Variants in LDLRAD4 observed in about 807,000 individuals in gnomAD.
LDLRAD4 encodes low density lipoprotein receptor class A domain containing 4.
Under a neutral mutation model 17.0 loss-of-function variants are expected in LDLRAD4, and 5 were observed. The observed-to-expected ratio is 0.29, with a 90% CI of 0.15 to 0.62. The LOEUF (loss-of-function observed/expected upper bound fraction) is 0.62. LDLRAD4 is among the 20% of genes least tolerant of loss of function. The probability of loss-of-function intolerance (pLI) is 0.84; values close to 1 mark genes in which losing one functional copy is unlikely to be tolerated. For missense variants in LDLRAD4, 340 were observed against 424.7 expected, an observed-to-expected ratio of 0.80 and a Z score of 1.75; for synonymous variants, 168 against 171.8, an observed-to-expected ratio of 0.98 and a Z score of 0.17.
intron 3 of LDLRAD4, among the ~76,000 whole-genome samples, chr18:13,517,797 G>A (rs2093891025): frequency 6.6e-6 from 1 of 152,226 alleles, no homozygotes; most frequent in Non-Finnish European, 1.5e-5. Flanking sequence ...GGAGTGCAGT[G>A]GTGCGATCTC....
chr18:13,583,973 C>A (rs1261001461), intron 3 of LDLRAD4, among the ~76,000 whole-genome samples: 1 of 152,172 alleles, frequency 6.6e-6, no homozygotes, highest in Non-Finnish European at 1.5e-5. Flanking sequence ...CCCATCTCCG[C>A]AGCCTCAGCC....
At chr18:13,258,736 G>T (rs985083991) in intron 1 of LDLRAD4, among the ~76,000 whole-genome samples, 4 of 152,180 alleles carry the variant, frequency 2.6e-5, no homozygotes, top group African/African-American at 9.7e-5. Context: ...TTAGGTCAAT[G>T]ATGTTTCTTC....
chr18:13,440,679 G>T lies in LDLRAD4; in HGVS notation c.181+2295G>T, dbSNP rs2090965588. Among the ~76,000 whole-genome samples the T allele has an allele frequency of 6.6e-6, 1 of 152,164 alleles. No homozygotes were observed. Among genetic ancestry groups the T allele is most frequent in the Admixed American group, 6.5e-5 (1 of 15,282 alleles). ...CTTGGTTTCTCTCCCTGTGGAACAGGCACACTTCCTGCCGTGTAAGCATCT... is the reference window on the plus strand; with the variant it reads ...CTTGGTTTCTCTCCCTGTGGAACAGTCACACTTCCTGCCGTGTAAGCATCT... On this transcript the variant is annotated intron_variant, in intron 3 of 5. Transcript: ENST00000359446. This position sits in a 1 kb window ranked among gnomAD's most constrained non-coding sequence, Gnocchi z 4.4.
At position 13,243,336 on chromosome 18, in the gene LDLRAD4, A is replaced by G. The variant is rs78716857; in HGVS notation, c.-467+24348A>G. ...TGGACACTGGAATATCTCTCAACCTATGAGGAGGATTAATGAGACAAAATG... is the reference window on the plus strand; with the variant it reads ...TGGACACTGGAATATCTCTCAACCTGTGAGGAGGATTAATGAGACAAAATG... On this transcript the variant is annotated intron_variant, in intron 1 of 5. Coordinates refer to the LDLRAD4 transcript ENST00000399848. 3.5e-3 allele frequency among the ~76,000 whole-genome samples: 527 copies of G among 152,236 alleles called. 2 individuals carry two copies. Among genetic ancestry groups the G allele is most frequent in the African/African-American group, 0.012 (510 of 41,532 alleles).
At position 13,374,496 on chromosome 18, in the gene LDLRAD4, C is replaced by T. The variant is rs143104138; in HGVS notation, c.-382-12845C>T. On this transcript the variant is annotated intron_variant, in intron 1 of 5. Transcript: ENST00000359446. ...TGGAAATGCAGCCTCTTGGGCCCTG[C>T]CCCGGACCTGCTGAACCGAATCTGC... Among the ~76,000 whole-genome samples, 382 of 152,384 alleles carry T rather than the reference C, an allele frequency of 2.5e-3. 2 individuals are homozygous for T. The highest frequency in any genetic ancestry group is 8.3e-3 in the African/African-American group (344 of 41,596).
rs76146105 is a variant in LDLRAD4 at position 13,496,074 on chromosome 18, C to G, written c.181+57690C>G. Among the ~76,000 whole-genome samples the G allele has an allele frequency of 5.5e-3, 836 of 152,280 alleles. 8 individuals carry two copies. The highest frequency in any genetic ancestry group is 0.019 in the African/African-American group (793 of 41,548). ...GGAGATTTGGCTGCGTATAGAGGAA[C>G]AGGGAAGGTGAGTATGCAGGGGACA... On this transcript the variant is annotated intron_variant, in intron 3 of 5. Coordinates refer to ENST00000359446, the Ensembl canonical transcript of LDLRAD4.
rs936834081 is a variant in LDLRAD4 at position 13,612,737 on chromosome 18, G to A, written c.182-8380G>A. ...GTGACCACCTGAACAACAGCACACTGAAGGAGGCTCAGTTCAAAGACCTGT... is the reference window on the plus strand; with the variant it reads ...GTGACCACCTGAACAACAGCACACTAAAGGAGGCTCAGTTCAAAGACCTGT... On this transcript the variant is annotated intron_variant, in intron 3 of 5. Transcript: ENST00000359446. 10 of 1,613,814 alleles carry A rather than the reference G, an allele frequency of 6.2e-6. No individual in the cohort carries two copies. In the African/African-American group the frequency reaches 1.2e-4, roughly 19 times the overall value.
At chr18:13,401,381 A>T (rs1040189596) in intron 2 of LDLRAD4, among the ~76,000 whole-genome samples, 6 of 152,106 alleles carry the variant, frequency 3.9e-5, no homozygotes, top group Admixed American at 3.3e-4. Flanking sequence ...AAAAAAAAAA[A>T]AAAAACTGTC....
chr18:13,537,983 T>G (rs759433847), intron 3 of LDLRAD4, among the ~76,000 whole-genome samples: 5 of 152,224 alleles, frequency 3.3e-5, no homozygotes, highest in Non-Finnish European at 7.3e-5. Flanking sequence ...TTTATAATAT[T>G]GTTTATTAGC....
chr18:13,230,344 A>G (rs1212941935), intron 1 of LDLRAD4, among the ~76,000 whole-genome samples: 1 of 152,214 alleles, frequency 6.6e-6, no homozygotes, highest in Non-Finnish European at 1.5e-5. Flanking sequence ...TCGGGCTGAG[A>G]CTTAGCAAAA....
chr18:13,438,889 T>G (rs1419584542), intron 3 of LDLRAD4, among the ~76,000 whole-genome samples: 1 of 152,230 alleles, frequency 6.6e-6, no homozygotes, highest in Non-Finnish European at 1.5e-5. Flanking sequence ...GCTTTGAGCA[T>G]TTCTTGAATT....
intron 3 of LDLRAD4, among the ~76,000 whole-genome samples, chr18:13,546,614 C>T (rs1218912478): frequency 1.3e-5 from 2 of 151,972 alleles, no homozygotes; most frequent in Admixed American, 6.6e-5. Flanking sequence ...CCACACACTA[C>T]TGCCATGTGA....
chr18:13,463,436 T>A (rs1187234228), intron 3 of LDLRAD4, among the ~76,000 whole-genome samples: 1 of 152,250 alleles, frequency 6.6e-6, no homozygotes. Context: ...CTGCATTCCC[T>A]TCGTTGCCCT....
chr18:13,395,989 G>A (rs2086659128), intron 2 of LDLRAD4, among the ~76,000 whole-genome samples: 1 of 152,086 alleles, frequency 6.6e-6, no homozygotes, highest in Non-Finnish European at 1.5e-5. Context: ...CTTCAAACTT[G>A]GCTAGAAGTC....
intron 2 of LDLRAD4, among the ~76,000 whole-genome samples, chr18:13,409,914 G>C (rs570619992): frequency 6.6e-6 from 1 of 152,174 alleles, no homozygotes; most frequent in Non-Finnish European, 1.5e-5. Context: ...AGTAGGTTTA[G>C]AGTGAAGGAA....
intron 1 of LDLRAD4, among the ~76,000 whole-genome samples, chr18:13,291,881 T>C (rs8083969): frequency 0.14 from 21,099 of 152,182 alleles, 1,880 homozygotes; most frequent in African/African-American, 0.26. Flanking sequence ...GGGGCGTTTT[T>C]CATTTACCAG....
intron 2 of LDLRAD4, among the ~76,000 whole-genome samples, chr18:13,396,013 C>G (rs1050380197): frequency 6.6e-6 from 1 of 152,096 alleles, no homozygotes; most frequent in Admixed American, 6.5e-5. Flanking sequence ...TCCCGGGTCT[C>G]TGTGTTTTTT....
intron 2 of LDLRAD4, among the ~76,000 whole-genome samples, chr18:13,432,578 T>C (rs896061495): frequency 2.0e-5 from 3 of 152,250 alleles, no homozygotes; most frequent in African/African-American, 7.2e-5. Flanking sequence ...GGTTTCCTCT[T>C]GGCTGTGGTG....
chr18:13,296,850 C>G (rs1160177521), intron 1 of LDLRAD4, among the ~76,000 whole-genome samples: 14 of 152,160 alleles, frequency 9.2e-5, no homozygotes. Context: ...GACCTGCTTT[C>G]CACAAGGTCA....
Sources: gnomAD v4.1 joint callset for allele counts (sites outside exome capture counted in the v4.1 genomes callset) on GRCh38, gnomAD v4.1.1 for gene constraint, Gnocchi (gnomAD v3.1) non-coding constraint, MANE v1.5 for transcripts, NCBI Gene and HGNC (gene_info 2026-07-23, HGNC 2026-07-21) for gene names.